ULK4: variants seen among roughly 807,000 people sequenced by gnomAD.
ULK4 encodes inactive serine/threonine-protein kinase ULK4.
A neutral mutation model predicts 160.6 loss-of-function variants in ULK4; 133 were observed. The ratio of observed to expected loss-of-function variants is 0.83; its 90% CI spans 0.72 to 0.96. The LOEUF (loss-of-function observed/expected upper bound fraction) is 0.96. ULK4 is among the 40% of genes least tolerant of loss of function. The probability of loss-of-function intolerance (pLI) is 0.00; values close to 1 mark genes in which losing one functional copy is unlikely to be tolerated. For missense variants in ULK4, 1,580 were observed against 1,499.5 expected (o/e 1.05, Z -0.89); for synonymous variants, 534 against 539.8 (o/e 0.99, Z 0.15).
chr3:41,334,049 C>T (rs146776749), intron 35 of ULK4, among the ~76,000 whole-genome samples: 3 of 152,078 alleles, frequency 2.0e-5, no homozygotes, highest in East Asian at 1.9e-4. Flanking sequence ...AAGAAACACA[C>T]GCAGATTCAC....
At chr3:41,764,126 T>C (rs531227362) in intron 21 of ULK4, among the ~76,000 whole-genome samples, 2 of 152,158 alleles carry the variant, frequency 1.3e-5, no homozygotes, top group African/African-American at 2.4e-5. Flanking sequence ...GTATACACAA[T>C]AAACTGAGAA....
intron 18 of ULK4, among the ~76,000 whole-genome samples, chr3:41,833,286 GT>G (rs767254673): frequency 2.0e-4 from 22 of 109,506 alleles, no homozygotes; most frequent in African/African-American, 3.8e-4. Flanking sequence ...TTTTTTTTTT[GT>G]TTTTTTTTTT....
chr3:41,848,211 C>T (rs1184928601), intron 17 of ULK4, among the ~76,000 whole-genome samples: 1 of 152,184 alleles, frequency 6.6e-6, no homozygotes, highest in Non-Finnish European at 1.5e-5. Context: ...TGGTAGATTC[C>T]TTCTCTTAAA....
At chr3:41,311,416 C>T (rs941651226) in intron 35 of ULK4, among the ~76,000 whole-genome samples, 3 of 152,168 alleles carry the variant, frequency 2.0e-5, no homozygotes, top group African/African-American at 7.2e-5. Context: ...CCCCAGCCTA[C>T]ATCTTTCTCC....
At chr3:41,294,751 GATCT>G (rs2079637569) in intron 35 of ULK4, among the ~76,000 whole-genome samples, 2 of 151,978 alleles carry the variant, frequency 1.3e-5, no homozygotes, top group Admixed American at 6.6e-5. Flanking sequence ...GAAAATAAAA[GATCT>G]ATTTGAGAAA....
intron 27 of ULK4, among the ~76,000 whole-genome samples, chr3:41,699,843 TA>T (rs2036613539): frequency 6.6e-6 from 1 of 152,214 alleles, no homozygotes; most frequent in African/African-American, 2.4e-5. Flanking sequence ...ATGAAGCCAG[TA>T]AGTTGCAATA....
intron 32 of ULK4, among the ~76,000 whole-genome samples, chr3:41,528,853 C>T (rs1384182077): frequency 6.6e-6 from 1 of 151,910 alleles, no homozygotes; most frequent in African/African-American, 2.4e-5. Context: ...AGAAAGAAGG[C>T]ATATCCTTAC....
intron 32 of ULK4, among the ~76,000 whole-genome samples, chr3:41,464,767 G>A (rs2083784303): frequency 6.6e-6 from 1 of 152,184 alleles, no homozygotes; most frequent in African/African-American, 2.4e-5. Context: ...GTAAGTACTG[G>A]TGGAGTCCAG....
intron 27 of ULK4, among the ~76,000 whole-genome samples, chr3:41,695,780 A>G (rs1417812097): frequency 6.6e-6 from 1 of 152,150 alleles, no homozygotes; most frequent in African/African-American, 2.4e-5. Flanking sequence ...GATCTAGACC[A>G]TAGACATGAT....
At chr3:41,727,980 A>G (rs2037707204) in intron 22 of ULK4, among the ~76,000 whole-genome samples, 1 of 152,240 alleles carries the variant, frequency 6.6e-6, no homozygotes, top group Admixed American at 6.5e-5. Context: ...AATTCCATGC[A>G]ACTAAGCAGC....
At position 41,374,992 on chromosome 3, in the gene ULK4, AACAG is replaced by A. The variant is rs201878781; in HGVS notation, c.3678+23083_3678+23086del. ...ATCAGAAGCATTCTTATACACCAGT[AACAG>A]ACAGAGAGCCAAATCATGAGCATAC... On this transcript the variant is annotated intron_variant, in intron 35 of 36. Transcript: ENST00000301831. Among the ~76,000 whole-genome samples the A allele has an allele frequency of 8.9e-3, 1,264 of 142,526 alleles. 17 individuals are homozygous for A. The highest frequency in any genetic ancestry group is 0.033 in the African/African-American group (1,212 of 36,216). The allele number at this position is 142,526 out of a possible 152,430, so 93.5% of individuals were successfully genotyped here. A position where few individuals can be genotyped will look rare whatever the true frequency, so the allele number is the denominator to read the frequency against.
intron 5 of ULK4, among the ~76,000 whole-genome samples, chr3:41,926,755 T>C (rs907242984): frequency 6.6e-6 from 1 of 151,778 alleles, no homozygotes; most frequent in African/African-American, 2.4e-5. Flanking sequence ...TATCAGAAAC[T>C]GAAGATCAAC....
intron 27 of ULK4, among the ~76,000 whole-genome samples, chr3:41,689,283 G>C (rs1482580676): frequency 6.6e-6 from 1 of 152,210 alleles, no homozygotes; most frequent in East Asian, 1.9e-4. Flanking sequence ...ACCAGTGTAA[G>C]TCATAGAATA....
intron 30 of ULK4, among the ~76,000 whole-genome samples, chr3:41,660,518 T>C (rs2035115556): frequency 6.6e-6 from 1 of 152,204 alleles, no homozygotes; most frequent in African/African-American, 2.4e-5. Flanking sequence ...TTAAAATGCA[T>C]TCTTAAAAAT....
chr3:41,563,209 G>A (rs1041592562), intron 32 of ULK4, among the ~76,000 whole-genome samples: 6 of 152,140 alleles, frequency 3.9e-5, no homozygotes, highest in African/African-American at 1.2e-4. Context: ...TGGCTTGTAG[G>A]GTTTCTGCCA....
chr3:41,810,463 T>C (rs1264457832), intron 19 of ULK4, among the ~76,000 whole-genome samples: 1 of 152,206 alleles, frequency 6.6e-6, no homozygotes, highest in Non-Finnish European at 1.5e-5. Flanking sequence ...TGAAATAAAG[T>C]TGTGTTACCT....
chr3:41,817,163 C>G (rs1405092974), intron 19 of ULK4, among the ~76,000 whole-genome samples: 26 of 152,130 alleles, frequency 1.7e-4, no homozygotes, highest in Admixed American at 1.7e-3. Context: ...ATAGTTTACA[C>G]AATCAGCATG....
At chr3:41,838,767 G>A (rs1203651279) in intron 17 of ULK4, among the ~76,000 whole-genome samples, 3 of 152,128 alleles carry the variant, frequency 2.0e-5, no homozygotes, top group African/African-American at 2.4e-5. Context: ...GAACTTGGAC[G>A]ATAAACAGAC....
Position 41,690,447 on chromosome 3 carries a change from A to T in ULK4, c.2782-8643T>A, listed in dbSNP as rs889828240. On this transcript the variant is annotated intron_variant, in intron 27 of 36. Coordinates refer to ENST00000301831, the MANE Select transcript of ULK4 (RefSeq NM_017886.4). ...CCTAAAGTATAATAATAATAAAATT[A>T]AAAAATAATAATAATTTTTAAAAAA... Among the ~76,000 whole-genome samples, 10 of 151,398 alleles carry T rather than the reference A, an allele frequency of 6.6e-5. No individual in the cohort carries two copies. The East Asian group carries it at 1.5e-3, about 23-fold the overall frequency.
Sources: allele counts gnomAD v4.1 joint callset (sites outside exome capture counted in the v4.1 genomes callset), GRCh38; gene constraint gnomAD v4.1.1; transcripts MANE v1.5; gene names NCBI Gene and HGNC (gene_info 2026-07-23, HGNC 2026-07-21).